The following RARB variants were observed in gnomAD, a reference collection of about 807,000 sequenced individuals.
RARB encodes retinoic acid receptor beta, also known as HBV-activated protein.
In RARB, 17 loss-of-function variants were observed where a neutral mutation model predicts 51.9. The ratio of observed to expected loss-of-function variants is 0.33; its 90% CI spans 0.22 to 0.49. The LOEUF is 0.49. Ranked by LOEUF, RARB falls within the 20% of genes least tolerant of loss-of-function variation. The probability of loss-of-function intolerance (pLI) is 0.99; values close to 1 mark genes in which losing one functional copy is unlikely to be tolerated. For synonymous variants in RARB, 215 were observed against 195.4 expected (o/e 1.10, Z -0.84); for missense variants, 369 against 550.8 (o/e 0.67, Z 3.30).
chr3:24,922,899 T>G (rs749255631), intron 2 of RARB, among the ~76,000 whole-genome samples: 13 of 152,148 alleles, frequency 8.5e-5, no homozygotes, highest in Non-Finnish European at 1.9e-4. Flanking sequence ...CTAGGGATAA[T>G]AAAATCTTGG....
At chr3:25,225,678 A>G (rs1364348100) in intron 5 of RARB, among the ~76,000 whole-genome samples, 4 of 152,216 alleles carry the variant, frequency 2.6e-5, no homozygotes, top group Admixed American at 6.5e-5. Flanking sequence ...TTTACATGCA[A>G]TATGACAACT....
chr3:25,482,137 C>G (rs1696255253), intron 2 of RARB, among the ~76,000 whole-genome samples: 2 of 152,154 alleles, frequency 1.3e-5, no homozygotes, highest in Non-Finnish European at 2.9e-5. Flanking sequence ...CCTGGCTGGA[C>G]ATGTGGGGAT....
At chr3:24,927,718 T>C (rs1695351449) in intron 2 of RARB, among the ~76,000 whole-genome samples, 1 of 152,052 alleles carries the variant, frequency 6.6e-6, no homozygotes, top group Non-Finnish European at 1.5e-5. Flanking sequence ...CACTAGTCTA[T>C]TTTTTCCCTC....
chr3:25,099,822 C>T (rs1262146100), intron 3 of RARB, among the ~76,000 whole-genome samples: 1 of 152,104 alleles, frequency 6.6e-6, no homozygotes, highest in Non-Finnish European at 1.5e-5. Context: ...GCTTGGCTTA[C>T]CTCCATCCTG....
rs775764994 is a variant in RARB, at chr3:25,580,564, C to A, written c.628C>A (p.Arg210=). The change falls in exon 5 of 8, where the codon CGA becomes AGA. Residue 210 remains arginine (R), a synonymous_variant. Coordinates refer to ENST00000330688, the MANE Select transcript of RARB (RefSeq NM_000965.5). The part of the protein sequence containing the change: ...KYTTNSSADH[R]VRLDLGLWDK... ...CTCCTAGAATTCCAGTGCTGACCAT[C>A]GAGTCCGACTGGACCTGGGCCTCTG... 6.3e-7 allele frequency: 1 copy of A among 1,596,726 alleles called. No homozygotes were observed. Among genetic ancestry groups the A allele is most frequent in the African/African-American group, 1.3e-5 (1 of 74,844 alleles).
rs1473060949 is a variant in RARB at position 25,123,467 on chromosome 3, T to G, written c.-327-8694T>G. Among the ~76,000 whole-genome samples, 10 of 152,242 alleles carry G rather than the reference T, an allele frequency of 6.6e-5. 1 individual carries two copies. Among genetic ancestry groups the G allele is most frequent in the Admixed American group, 4.6e-4 (7 of 15,280 alleles). ...TTCTTCACTAGACATATTTCACCTT[T>G]GTTTCTTTTCTACACATGTATCTCT... On this transcript the variant is annotated intron_variant, in intron 3 of 11. Transcript: ENST00000383772.
chr3:24,916,071 A>T (rs1695100413), intron 2 of RARB, among the ~76,000 whole-genome samples: 1 of 152,142 alleles, frequency 6.6e-6, no homozygotes, highest in Non-Finnish European at 1.5e-5. Flanking sequence ...AGGAGAATTA[A>T]TAAAAACTAG....
intron 2 of RARB, among the ~76,000 whole-genome samples, chr3:25,009,772 A>G (rs934060248): frequency 6.6e-6 from 1 of 151,858 alleles, no homozygotes; most frequent in African/African-American, 2.4e-5. Context: ...TTAGAGGGGG[A>G]TGGGAAATAT....
chr3:25,133,588 A>G (rs1339057011), intron 4 of RARB, among the ~76,000 whole-genome samples: 2 of 152,032 alleles, frequency 1.3e-5, no homozygotes, highest in African/African-American at 4.8e-5. Context: ...TTATCTCAAA[A>G]ATGCATTCTA....
upstream of RARB, among the ~76,000 whole-genome samples, chr3:25,426,263 G>A (rs1399777857): frequency 6.6e-6 from 1 of 152,172 alleles, no homozygotes; most frequent in African/African-American, 2.4e-5. Flanking sequence ...CTTACAATAA[G>A]TCTCTGTTAC....
At chr3:25,217,724 T>C (rs981889623) in intron 5 of RARB, among the ~76,000 whole-genome samples, 3 of 152,188 alleles carry the variant, frequency 2.0e-5, no homozygotes, top group Non-Finnish European at 2.9e-5. Flanking sequence ...CTCAGTGTAA[T>C]GTATTAATTG....
intron 1 of RARB, among the ~76,000 whole-genome samples, chr3:24,855,973 A>G (rs1487256742): frequency 6.6e-6 from 1 of 152,000 alleles, no homozygotes; most frequent in Non-Finnish European, 1.5e-5. Flanking sequence ...GATGGTCTCA[A>G]TCTCCTGACC....
chr3:24,864,680 A>G (rs1702815739), intron 2 of RARB, among the ~76,000 whole-genome samples: 1 of 151,750 alleles, frequency 6.6e-6, no homozygotes. Flanking sequence ...ATGTTTTGTA[A>G]GTGATTTTTT....
intron 2 of RARB, among the ~76,000 whole-genome samples, chr3:24,929,371 G>A (rs932567280): frequency 6.6e-6 from 1 of 152,038 alleles, no homozygotes; most frequent in African/African-American, 2.4e-5. Flanking sequence ...ATCTAACCAT[G>A]CTCTGAGAGT....
intron 5 of RARB, among the ~76,000 whole-genome samples, chr3:25,350,061 T>A (rs570830710): frequency 1.3e-5 from 2 of 152,282 alleles, no homozygotes; most frequent in African/African-American, 4.8e-5. Context: ...TCTTACAAGG[T>A]GCCTGGCTGT....
intron 4 of RARB, among the ~76,000 whole-genome samples, chr3:25,143,932 C>A (rs1216878415): frequency 1.3e-5 from 2 of 152,174 alleles, no homozygotes; most frequent in African/African-American, 2.4e-5. Flanking sequence ...TAGAAATACT[C>A]ATTTCCTTTC....
At chr3:25,562,168 GA>G (rs1356628388) in intron 3 of RARB, among the ~76,000 whole-genome samples, 2 of 152,022 alleles carry the variant, frequency 1.3e-5, no homozygotes, top group Non-Finnish European at 2.9e-5. Flanking sequence ...CAGCAGAAGT[GA>G]ACTTGAGTTT....
intron 3 of RARB, among the ~76,000 whole-genome samples, chr3:25,064,027 G>C (rs576054407): frequency 6.6e-6 from 1 of 152,018 alleles, no homozygotes; most frequent in East Asian, 1.9e-4. Context: ...AGACAGAGAA[G>C]GGATTACAAA....
intron 1 of RARB, among the ~76,000 whole-genome samples, chr3:24,842,592 T>TAACAAA (rs1364645838): frequency 6.6e-6 from 1 of 152,208 alleles, no homozygotes; most frequent in Admixed American, 6.5e-5. Flanking sequence ...TGTTAAGTAA[T>TAACAAA]AGTCCTCTTG....
Sources: allele counts gnomAD v4.1 joint callset (sites outside exome capture counted in the v4.1 genomes callset), GRCh38; gene constraint gnomAD v4.1.1; transcripts MANE v1.5; gene names NCBI Gene and HGNC (gene_info 2026-07-23, HGNC 2026-07-21).